Variants in IDE observed in about 807,000 individuals in gnomAD.
The protein encoded by IDE is insulin-degrading enzyme.
In IDE, 58 loss-of-function variants were observed where a neutral mutation model predicts 133.2. The observed-to-expected ratio is 0.44, with a 90% CI of 0.35 to 0.54. The LOEUF (loss-of-function observed/expected upper bound fraction) is 0.54, where lower values mean the gene tolerates loss of function less well. Ranked by LOEUF, IDE falls within the 20% of genes least tolerant of loss-of-function variation. The pLI is 0.00. For missense variants in IDE, 981 were observed against 1,234.0 expected (o/e 0.79, Z 3.07); for synonymous variants, 396 against 421.3 (o/e 0.94, Z 0.73).
chr10:92,570,143 G>T (rs1326598911), intron 1 of IDE, among the ~76,000 whole-genome samples: 13 of 151,642 alleles, frequency 8.6e-5, no homozygotes, highest in African/African-American at 2.7e-4. Flanking sequence ...TAGGCAAAAA[G>T]AAACTAAACA....
At chr10:92,568,301 C>G (rs1843644304) in intron 1 of IDE, among the ~76,000 whole-genome samples, 1 of 151,984 alleles carries the variant, frequency 6.6e-6, no homozygotes, top group South Asian at 2.1e-4. Flanking sequence ...CAATATGATA[C>G]CAGGGCATAC....
intron 12 of IDE, among the ~76,000 whole-genome samples, chr10:92,488,263 C>T (rs927510430): frequency 2.6e-5 from 4 of 152,192 alleles, no homozygotes; most frequent in African/African-American, 9.6e-5. Flanking sequence ...TACCACCACA[C>T]TCAGCTAATT....
chr10:92,483,402 T>G (rs886841348), intron 13 of IDE, 65 bp from the exon 14 acceptor site: 4 of 869,528 alleles, frequency 4.6e-6, no homozygotes, highest in Non-Finnish European at 7.8e-6. Context: ...TTCAATCAAA[T>G]CACTCTTCAA....
At chr10:92,478,568 G>A (rs894031272) in intron 15 of IDE, 15 of 832,578 alleles carry the variant, frequency 1.8e-5, no homozygotes, top group African/African-American at 1.3e-4. Flanking sequence ...TTAAAAATGC[G>A]AAGTTAATAG....
intron 1 of IDE, among the ~76,000 whole-genome samples, chr10:92,555,962 A>T (rs1430767688): frequency 8.6e-5 from 13 of 151,868 alleles, no homozygotes; most frequent in Admixed American, 8.5e-4. Context: ...TCACGAGGTC[A>T]GGAGATCGAG....
intron 14 of IDE, among the ~76,000 whole-genome samples, chr10:92,480,090 C>T (rs1846518467): frequency 6.6e-6 from 1 of 152,178 alleles, no homozygotes. Flanking sequence ...TTATAGAGTA[C>T]AAGAACTAAA....
chr10:92,523,758 T>C (rs1187361557), intron 4 of IDE, among the ~76,000 whole-genome samples: 1 of 151,624 alleles, frequency 6.6e-6, no homozygotes, highest in African/African-American at 2.4e-5. Flanking sequence ...ACCCTCTATA[T>C]TCTTGTCTTC....
At chr10:92,455,500 C>CA (rs1292760603) in intron 24 of IDE, 76 bp downstream of exon 24, 83 of 967,500 alleles carry the variant, frequency 8.6e-5, no homozygotes, top group South Asian at 4.0e-4. Flanking sequence ...AAACAAAAAA[C>CA]AAAAAAAACC....
At position 92,524,370 on chromosome 10, in the gene IDE, A is replaced by AT. The variant is rs778752454; in HGVS notation, c.661+7377dup. Among the ~76,000 whole-genome samples, 22 of 42,276 alleles carry AT rather than the reference A, an allele frequency of 5.2e-4. 2 individuals are homozygous for AT. The highest frequency in any genetic ancestry group is 4.5e-4 in the African/African-American group (4 of 8,950). 27.7% of individuals were successfully genotyped at this position (42,276 alleles called of 152,430 possible). The stretch of plus-strand genomic sequence containing the variant: ...TATATAATATATTTTATATTATAAT[A>AT]TATATTATATATAATATATTTTATA... On this transcript the variant is annotated intron_variant, in intron 4 of 24. Transcript: ENST00000265986.
At chr10:92,528,619 A>G (rs970725177) in intron 4 of IDE, among the ~76,000 whole-genome samples, 1 of 152,228 alleles carries the variant, frequency 6.6e-6, no homozygotes, top group Non-Finnish European at 1.5e-5. Flanking sequence ...TGTATACAAA[A>G]AAGAGTTTGA....
intron 4 of IDE, among the ~76,000 whole-genome samples, chr10:92,524,155 C>A (rs1006054073): frequency 3.5e-4 from 52 of 146,568 alleles, no homozygotes; most frequent in African/African-American, 1.3e-3. Context: ...TCATTCAATT[C>A]ACAAATTAGC....
At chr10:92,456,781 T>G (rs1459618631) in intron 22 of IDE, among the ~76,000 whole-genome samples, 1 of 129,014 alleles carries the variant, frequency 7.8e-6, no homozygotes, top group South Asian at 2.5e-4. Context: ...AAGTTTGCCA[T>G]GTGCCATGAG....
chr10:92,569,661 A>G (rs1321857595), intron 1 of IDE, among the ~76,000 whole-genome samples: 2 of 152,228 alleles, frequency 1.3e-5, no homozygotes, highest in Non-Finnish European at 2.9e-5. Context: ...AAAAAATGAT[A>G]ACAACATAGC....
At chr10:92,524,534 ATATTT>A in intron 4 of IDE, among the ~76,000 whole-genome samples, 1 of 95,212 alleles carries the variant, frequency 1.1e-5, no homozygotes, top group Non-Finnish European at 2.0e-5. Context: ...ATATTATAAT[ATATTT>A]TATATTATAT....
rs1845651675 is a variant in IDE, at chr10:92,465,782, G to A, written c.2382C>T (p.Tyr794=). ...EVHNNCGIEI[Y]YQTDMQSTSE... ...AGGTGCTTTGCATGTCTGTTTGGTAGTATATCTCGATGCCACAGTTATTGT... is the reference window on the plus strand; with the variant it reads ...AGGTGCTTTGCATGTCTGTTTGGTAATATATCTCGATGCCACAGTTATTGT... Residue 794 remains tyrosine, a synonymous_variant, in exon 20 of 25, where the codon TAC becomes TAT. Coordinates refer to ENST00000265986, the MANE Select transcript of IDE (RefSeq NM_004969.4). 2.5e-6 allele frequency: 4 copies of A among 1,613,652 alleles called. No homozygotes were observed. Among genetic ancestry groups the A allele is most frequent in the East Asian group, 4.5e-5 (2 of 44,866 alleles).
At chr10:92,504,933 C>T (rs1848216283) in intron 10 of IDE, 36 bp from the exon 11 acceptor site, 2 of 923,850 alleles carry the variant, frequency 2.2e-6, no homozygotes, top group Non-Finnish European at 3.3e-6. Flanking sequence ...ATAAAATATA[C>T]AAAGCTACTA....
At position 92,531,719 on chromosome 10, in the gene IDE, G is replaced by T. The variant is rs377014086; in HGVS notation, c.661+29C>A. ...CTATGCAGTGGCCATGGGTTTAAAT[G>T]AGGTCAAGGAAAGCAGCTGTTGACA... On this transcript the variant is annotated intron_variant, in intron 4 of 24. Coordinates refer to ENST00000265986, the MANE Select transcript of IDE (RefSeq NM_004969.4). 4 of 1,471,708 alleles carry T rather than the reference G, an allele frequency of 2.7e-6. No homozygotes were observed. The South Asian group carries it at 5.8e-5, about 21-fold the overall frequency. 91.2% of individuals were successfully genotyped at this position (1,471,708 alleles called of 1,614,324 possible). A position where few individuals can be genotyped will look rare whatever the true frequency, so the allele number is the denominator to read the frequency against.
chr10:92,454,328 T>C lies in IDE; in HGVS notation c.*116A>G, dbSNP rs561150280. 7 of 665,974 alleles carry C rather than the reference T, an allele frequency of 1.1e-5. No individual in the cohort carries two copies. The highest frequency in any genetic ancestry group is 6.8e-5 in the Admixed American group (3 of 43,890). 41.3% of individuals were successfully genotyped at this position (665,974 alleles called of 1,614,324 possible). ...TCTACATAATGACATTTGACAATTT[T>C]TTGTTTGTTTCTCTAATAGTGAATC... On this transcript the variant is annotated 3_prime_UTR_variant, in exon 25 of 25. Transcript: ENST00000265986.
In IDE at chr10:92,573,966, G is replaced by A; in HGVS notation, c.54C>T (p.Arg18=). The A allele has an allele frequency of 6.7e-7, 1 of 1,489,078 alleles. No homozygotes were observed. The highest frequency in any genetic ancestry group is 8.9e-7 in the Non-Finnish European group (1 of 1,123,898). The allele number at this position is 1,489,078 out of a possible 1,614,324, so 92.2% of individuals were successfully genotyped here. ...GCGGCAGGCGGGCGCCGAGGACTGA[G>A]CGGAAGGTGCTGGGCAGTGCGGGGT... ...LLHPALPSTF[R]SVLGARLPPP... Residue 18 remains arginine, a synonymous_variant, in exon 1 of 25, where the codon CGC becomes CGT. Transcript: ENST00000265986.
Sources: gnomAD v4.1 joint callset for allele counts (sites outside exome capture counted in the v4.1 genomes callset) on GRCh38, gnomAD v4.1.1 for gene constraint, MANE v1.5 for transcripts, NCBI Gene and HGNC (gene_info 2026-07-23, HGNC 2026-07-21) for gene names.